The following SPAG16 variants were observed in gnomAD, a reference collection of about 807,000 sequenced individuals.
SPAG16 encodes the protein sperm associated antigen 16.
In SPAG16, 86 loss-of-function variants were observed where a neutral mutation model predicts 80.4. The observed-to-expected ratio is 1.07, with a 90% confidence interval of 0.90 to 1.28. The LOEUF is 1.28. SPAG16 is among the 50% of genes most tolerant of loss of function. The pLI, the probability that SPAG16 is intolerant of heterozygous loss-of-function variation, is 0.00. For synonymous variants in SPAG16, 294 were observed against 265.9 expected, an observed-to-expected ratio of 1.11 and a Z score of -1.03; for missense variants, 870 against 765.3, an observed-to-expected ratio of 1.14 and a Z score of -1.61.
intron 15 of SPAG16, among the ~76,000 whole-genome samples, chr2:214,309,837 G>A (rs918209108): frequency 5.9e-5 from 9 of 152,146 alleles, no homozygotes; most frequent in African/African-American, 2.2e-4. Flanking sequence ...CTACCTCCCT[G>A]AGAGCATTCA....
intron 10 of SPAG16, among the ~76,000 whole-genome samples, chr2:213,619,568 A>C (rs530082973): frequency 5.9e-5 from 9 of 152,324 alleles, no homozygotes; most frequent in East Asian, 3.9e-4. Flanking sequence ...AATGATCAAC[A>C]TCACTAATCA....
At chr2:214,269,374 T>A (rs1691822945) in intron 15 of SPAG16, among the ~76,000 whole-genome samples, 1 of 152,010 alleles carries the variant, frequency 6.6e-6, no homozygotes, top group Non-Finnish European at 1.5e-5. Flanking sequence ...TTTCTTTTGA[T>A]CTTTGGACAT....
chr2:214,273,592 G>C (rs986931499), intron 15 of SPAG16, among the ~76,000 whole-genome samples: 1 of 152,040 alleles, frequency 6.6e-6, no homozygotes, highest in Non-Finnish European at 1.5e-5. Context: ...GTTTGTCAAA[G>C]ATCAGATTAT....
intron 15 of SPAG16, among the ~76,000 whole-genome samples, chr2:214,180,495 A>G (rs936722764): frequency 1.3e-5 from 2 of 151,748 alleles, no homozygotes; most frequent in Non-Finnish European, 2.9e-5. Flanking sequence ...AATAAATTCA[A>G]TAAGCTATAA....
At chr2:213,860,574 A>C (rs537428423) in intron 10 of SPAG16, among the ~76,000 whole-genome samples, 17 of 151,676 alleles carry the variant, frequency 1.1e-4, no homozygotes, top group African/African-American at 3.9e-4. Flanking sequence ...TAGGAGGATC[A>C]GTTCATGTGG....
intron 10 of SPAG16, among the ~76,000 whole-genome samples, chr2:213,566,704 A>G (rs1216019201): frequency 1.3e-5 from 2 of 152,186 alleles, no homozygotes; most frequent in African/African-American, 2.4e-5. Flanking sequence ...ATCTAATTCA[A>G]AGCCAAATTA....
chr2:214,168,507 GCA>G (rs143602373), intron 15 of SPAG16, among the ~76,000 whole-genome samples: 5 of 151,294 alleles, frequency 3.3e-5, no homozygotes, highest in South Asian at 2.1e-4. Flanking sequence ...GCACACACAT[GCA>G]CACACACACA....
intron 10 of SPAG16, among the ~76,000 whole-genome samples, chr2:213,809,581 T>G (rs940478906): frequency 9.2e-5 from 14 of 152,186 alleles, no homozygotes; most frequent in African/African-American, 3.1e-4. Flanking sequence ...AAATAACTGA[T>G]GTTCTCAATT....
chr2:213,421,330 C>T (rs538727053), intron 9 of SPAG16, among the ~76,000 whole-genome samples: 34 of 152,354 alleles, frequency 2.2e-4, no homozygotes, highest in East Asian at 1.2e-3. Context: ...ACCAGTCCCC[C>T]GCCATTTGGC....
At chr2:213,363,819 A>G (rs1049250008) in intron 7 of SPAG16, among the ~76,000 whole-genome samples, 1 of 152,124 alleles carries the variant, frequency 6.6e-6, no homozygotes, top group African/African-American at 2.4e-5. Context: ...TTCTTAATTC[A>G]GGAAACTATG....
At chr2:213,929,257 G>A (rs529105247) in intron 11 of SPAG16, among the ~76,000 whole-genome samples, 5 of 151,766 alleles carry the variant, frequency 3.3e-5, no homozygotes, top group African/African-American at 1.2e-4. Context: ...CAGGCGATTC[G>A]CCTGCCTCGG....
At chr2:213,979,431 A>G (rs1297782846) in intron 12 of SPAG16, among the ~76,000 whole-genome samples, 2 of 152,088 alleles carry the variant, frequency 1.3e-5, no homozygotes, top group Non-Finnish European at 2.9e-5. Flanking sequence ...TATAAAGGAA[A>G]GATGTTTAAT....
chr2:213,347,612 C>T (rs1335150493), intron 6 of SPAG16, among the ~76,000 whole-genome samples: 1 of 152,186 alleles, frequency 6.6e-6, no homozygotes, highest in East Asian at 1.9e-4. Flanking sequence ...TTTCAAAGAA[C>T]ATCTTTATTT....
intron 14 of SPAG16, among the ~76,000 whole-genome samples, chr2:214,119,989 A>G (rs2054135300): frequency 6.6e-6 from 1 of 151,846 alleles, no homozygotes; most frequent in Admixed American, 6.6e-5. Flanking sequence ...TAATTTTTCT[A>G]TGCTGTGTCT....
intron 10 of SPAG16, among the ~76,000 whole-genome samples, chr2:213,679,076 A>G (rs1047999422): frequency 6.6e-6 from 1 of 152,122 alleles, no homozygotes; most frequent in African/African-American, 2.4e-5. Context: ...AACGAAGGAC[A>G]CCTTCTCTGC....
chr2:214,030,191 T>A (rs1174096556), intron 13 of SPAG16, among the ~76,000 whole-genome samples: 2 of 152,182 alleles, frequency 1.3e-5, no homozygotes, highest in African/African-American at 4.8e-5. Flanking sequence ...TGACTTTGAC[T>A]ATTTTAGATA....
chr2:214,132,165 C>A (rs2054815259), intron 14 of SPAG16, among the ~76,000 whole-genome samples: 1 of 152,092 alleles, frequency 6.6e-6, no homozygotes, highest in Non-Finnish European at 1.5e-5. Flanking sequence ...TGAAAGAGTT[C>A]TATTGCAAAT....
chr2:213,565,648 G>T (rs1331274333), intron 10 of SPAG16, among the ~76,000 whole-genome samples: 4 of 152,184 alleles, frequency 2.6e-5, no homozygotes, highest in African/African-American at 9.6e-5. Flanking sequence ...CACCAGGATT[G>T]TCAGGAAGCG....
chr2:214,305,439 T>A (rs1016741048), intron 15 of SPAG16, among the ~76,000 whole-genome samples: 1 of 152,324 alleles, frequency 6.6e-6, no homozygotes, highest in Middle Eastern at 3.4e-3. Flanking sequence ...CATCATGAAA[T>A]CTTTGCCTGT....
Sources: allele counts gnomAD v4.1 joint callset (sites outside exome capture counted in the v4.1 genomes callset), GRCh38; gene constraint gnomAD v4.1.1; transcripts MANE v1.5; gene names NCBI Gene and HGNC (gene_info 2026-07-23, HGNC 2026-07-21).